The following WFDC3 variants were observed in gnomAD, a reference collection of about 807,000 sequenced individuals.
WFDC3 encodes WAP four-disulfide core domain protein 3.
A neutral mutation model predicts 25.8 loss-of-function variants in WFDC3; 15 were observed. The observed-to-expected ratio is 0.58, with a 90% CI of 0.39 to 0.89. The LOEUF (loss-of-function observed/expected upper bound fraction) is 0.89. WFDC3 is among the 40% of genes least tolerant of loss of function. The pLI is 0.00. For missense variants in WFDC3, 264 were observed against 289.8 expected, an observed-to-expected ratio of 0.91 and a Z score of 0.65; for synonymous variants, 103 against 107.1, an observed-to-expected ratio of 0.96 and a Z score of 0.24.
chr20:45,775,423 C>G lies in WFDC3; in HGVS notation c.673G>C (p.Glu225Gln). 1.2e-6 allele frequency: 2 copies of G among 1,613,974 alleles called. No homozygotes were observed. Among genetic ancestry groups the G allele is most frequent in the Non-Finnish European group, 1.7e-6 (2 of 1,179,892 alleles). ...NPNWTVRSDSELEIPVP is the reference protein window; with the variant it reads ...NPNWTVRSDSQLEIPVP ...GACAATGGACTGTACTCACCTAATT[C>G]GGAATCAGACCTCACAGTCCAGTTG... Residue 225 changes from glutamate to glutamine, a missense_variant, in exon 6 of 7, where the codon GAA (glutamate) becomes CAA (glutamine). Transcript: ENST00000243938.
Position 45,774,237 on chromosome 20 carries a change from G to T in WFDC3, c.*191C>A. 1.4e-6 allele frequency: 1 copy of T among 705,540 alleles called. No homozygotes were observed. The allele number at this position is 705,540 out of a possible 1,614,324, so 43.7% of individuals were successfully genotyped here. A position where few individuals can be genotyped will look rare whatever the true frequency, so the allele number is the denominator to read the frequency against. ...GTCAGCACCAGCCTTTATCGGGAAAGAGAAGCACCACACACCCACTACCCA... is the reference window on the plus strand; with the variant it reads ...GTCAGCACCAGCCTTTATCGGGAAATAGAAGCACCACACACCCACTACCCA... On this transcript the variant is annotated 3_prime_UTR_variant, in exon 7 of 7. Transcript: ENST00000243938.
Position 45,789,010 on chromosome 20 carries a change from G to A in WFDC3, c.132C>T (p.Cys44=). The A allele has an allele frequency of 6.2e-7, 1 of 1,613,674 alleles. No homozygotes were observed. The highest frequency in any genetic ancestry group is 8.5e-7 in the Non-Finnish European group (1 of 1,179,900). ...PPHKNPCKEL[C]QGDELCPAEQ... Reference sequence around the variant, plus strand: ...CAGCCGGACACAATTCATCACCCTGGCACAGCTCTTTGCATGGGTTCTTAT... The same window carrying A: ...CAGCCGGACACAATTCATCACCCTGACACAGCTCTTTGCATGGGTTCTTAT... Residue 44 remains cysteine, a synonymous_variant, in exon 3 of 7, where the codon TGC becomes TGT. Transcript: ENST00000243938.
chr20:45,781,942 G>A (rs1394179444), intron 4 of WFDC3, among the ~76,000 whole-genome samples: 2 of 152,136 alleles, frequency 1.3e-5, no homozygotes, highest in Admixed American at 1.3e-4. Context: ...ACTCTTTTCT[G>A]TACAACCTGC....
Position 45,775,418 on chromosome 20 carries a change from T to A in WFDC3, c.678A>T (p.Leu226Phe). ...TTGATGACAATGGACTGTACTCACC[T>A]AATTCGGAATCAGACCTCACAGTCC... ...PNWTVRSDSE[L>F]EIPVP The change falls in exon 6 of 7, where the codon TTA (leucine) becomes TTT (phenylalanine). Residue 226 changes from leucine to phenylalanine, a missense_variant and splice_region_variant. By Grantham distance (22) the Leu-to-Phe change is conservative (BLOSUM62 0). Coordinates refer to ENST00000243938, the MANE Select transcript of WFDC3 (RefSeq NM_080614.2). 6.2e-7 allele frequency: 1 copy of A among 1,614,048 alleles called. No individual in the cohort carries two copies. The highest frequency in any genetic ancestry group is 1.1e-5 in the South Asian group (1 of 91,068).
intron 4 of WFDC3, among the ~76,000 whole-genome samples, chr20:45,782,141 A>C (rs981712578): frequency 2.0e-5 from 3 of 152,130 alleles, no homozygotes; most frequent in Non-Finnish European, 2.9e-5. Flanking sequence ...CCAGAATCAG[A>C]ATCTTCACTC....
Position 45,774,287 on chromosome 20 carries a change from G to C in WFDC3, c.*141C>G. The C allele has an allele frequency of 8.7e-7, 1 of 1,151,458 alleles. No individual in the cohort carries two copies. The allele number at this position is 1,151,458 out of a possible 1,614,324, so 71.3% of individuals were successfully genotyped here. On this transcript the variant is annotated 3_prime_UTR_variant, in exon 7 of 7. Transcript: ENST00000243938. Reference sequence around the variant, plus strand: ...AATCCAGGGCTATTTCCCATGCTCTGGTCAGCGGCAGGAGGAGAAGCAGAG... The same window carrying C: ...AATCCAGGGCTATTTCCCATGCTCTCGTCAGCGGCAGGAGGAGAAGCAGAG...
At chr20:45,788,140 C>T (rs1980773859) in intron 3 of WFDC3, 158 bp from the exon 4 acceptor site, 16 of 675,516 alleles carry the variant, frequency 2.4e-5, no homozygotes, top group Non-Finnish European at 2.2e-5. Flanking sequence ...CCCATCTCTA[C>T]TAAAAATACA....
In WFDC3 at chr20:45,775,584, G is replaced by T; in HGVS notation, c.512C>A (p.Pro171Gln). ...AATGCACAGGCCCACCAGAACTTTT[G>T]GACAATCACCGCCCCGCCCTGTGGG... ...DIEGGRGGDC[P>Q]KVLVGLCIVG... The change falls in exon 6 of 7, where the codon CCA (proline) becomes CAA (glutamine). Residue 171 changes from proline to glutamine, a missense_variant. Transcript: ENST00000243938. 6.2e-7 allele frequency: 1 copy of T among 1,614,126 alleles called. No individual in the cohort carries two copies. Among genetic ancestry groups the T allele is most frequent in the Non-Finnish European group, 8.5e-7 (1 of 1,180,038 alleles).
Position 45,788,976 on chromosome 20 carries a change from A to C in WFDC3, c.166T>G (p.Cys56Gly), listed in dbSNP as rs751488495. ...ATCCGACCACAGCCTGTGGTGCAGC[A>C]CTTCTGTTCAGCCGGACACAATTCA... ...GDELCPAEQK[C>G]CTTGCGRICR... Residue 56 changes from cysteine to glycine, a missense_variant, in exon 3 of 7, where the codon TGC (cysteine) becomes GGC (glycine). Transcript: ENST00000243938. 1.9e-6 allele frequency: 3 copies of C among 1,613,764 alleles called. No homozygotes were observed. Among genetic ancestry groups the C allele is most frequent in the Non-Finnish European group, 2.5e-6 (3 of 1,179,908 alleles).
intron 1 of WFDC3, chr20:45,790,927 T>C (rs1448915403): frequency 2.1e-6 from 1 of 470,928 alleles, no homozygotes; most frequent in African/African-American, 2.0e-5. Flanking sequence ...TGCCCACATA[T>C]ACCTCCTTTA....
chr20:45,789,009 G>A lies in WFDC3; in HGVS notation c.133C>T (p.Gln45Ter), dbSNP rs1276276352. 6.2e-7 allele frequency: 1 copy of A among 1,613,706 alleles called. No homozygotes were observed. Among genetic ancestry groups the A allele is most frequent in the Non-Finnish European group, 8.5e-7 (1 of 1,179,920 alleles). Reference protein sequence around the residue: ...PHKNPCKELCQGDELCPAEQK... With the variant: ...PHKNPCKELC ...TCAGCCGGACACAATTCATCACCCT[G>A]GCACAGCTCTTTGCATGGGTTCTTA... Residue 45 changes from glutamine (Q) to a stop codon, truncating the protein, a stop_gained, in exon 3 of 7, where the codon CAG (glutamine) becomes TAG (stop). Transcript: ENST00000243938. LOFTEE classifies it high-confidence loss of function.
At position 45,789,026 on chromosome 20, in the gene WFDC3, G is replaced by T; in HGVS notation, c.116C>A (p.Pro39Gln). The T allele has an allele frequency of 6.2e-7, 1 of 1,613,528 alleles. No homozygotes were observed. Among genetic ancestry groups the T allele is most frequent in the Non-Finnish European group, 8.5e-7 (1 of 1,179,906 alleles). ...ATCACCCTGGCACAGCTCTTTGCAT[G>T]GGTTCTTATGGGGAGGGCATTCTCC... is the stretch of plus-strand genomic sequence containing the variant. ...KEGECPPHKNPCKELCQGDEL... is the reference protein window; with the variant it reads ...KEGECPPHKNQCKELCQGDEL... The change falls in exon 3 of 7, where the codon CCA (proline) becomes CAA (glutamine). Residue 39 changes from proline to glutamine, a missense_variant. Coordinates refer to ENST00000243938, the MANE Select transcript of WFDC3 (RefSeq NM_080614.2).
intron 4 of WFDC3, among the ~76,000 whole-genome samples, chr20:45,783,814 T>C (rs1485981027): frequency 6.6e-6 from 1 of 152,102 alleles, no homozygotes; most frequent in African/African-American, 2.4e-5. Flanking sequence ...GAAGGAGAGC[T>C]TCCTGTAGAG....
intron 2 of WFDC3, 76 bp downstream of exon 2, chr20:45,789,818 A>G: frequency 7.5e-7 from 1 of 1,340,344 alleles, no homozygotes; most frequent in Non-Finnish European, 1.1e-6. Context: ...GCTCTGGGAG[A>G]AGGCAGGGGA....
intron 2 of WFDC3, 133 bp downstream of exon 2, chr20:45,789,761 C>T: frequency 2.8e-6 from 2 of 721,322 alleles, no homozygotes; most frequent in Non-Finnish European, 4.7e-6. Context: ...ATCTATTCAT[C>T]CAGTCCTGTC....
At chr20:45,784,367 T>A (rs1387776830) in intron 4 of WFDC3, among the ~76,000 whole-genome samples, 3 of 152,204 alleles carry the variant, frequency 2.0e-5, no homozygotes, top group Admixed American at 6.5e-5. Context: ...GGTTGTCACA[T>A]GTTACAGGGC....
At chr20:45,790,195 G>A (rs559864101) in intron 1 of WFDC3, 8 of 482,292 alleles carry the variant, frequency 1.7e-5, no homozygotes, top group African/African-American at 1.6e-4. Context: ...AAGGGGACCT[G>A]TGATGGGAGG....
intron 5 of WFDC3, among the ~76,000 whole-genome samples, chr20:45,776,783 C>T (rs1980205798): frequency 6.6e-6 from 1 of 151,482 alleles, no homozygotes; most frequent in East Asian, 1.9e-4. Flanking sequence ...GAAATTTGGG[C>T]TCAAAAAGAC....
chr20:45,781,337 C>G (rs1304131295), intron 4 of WFDC3, among the ~76,000 whole-genome samples: 1 of 152,192 alleles, frequency 6.6e-6, no homozygotes, highest in Non-Finnish European at 1.5e-5. Flanking sequence ...AGCACTGGGA[C>G]TCACTCTGCC....
Sources: allele counts gnomAD v4.1 joint callset (sites outside exome capture counted in the v4.1 genomes callset), GRCh38; gene constraint gnomAD v4.1.1; transcripts MANE v1.5; gene names NCBI Gene and HGNC (gene_info 2026-07-23, HGNC 2026-07-21).